HAGH: variants seen among roughly 807,000 people sequenced by gnomAD.
HAGH encodes hydroxyacylglutathione hydrolase.
Under a neutral mutation model 35.1 loss-of-function variants are expected in HAGH, and 29 were observed. The observed-to-expected ratio is 0.83, with a 90% CI of 0.62 to 1.13. The LOEUF is 1.13. Ranked by LOEUF, HAGH falls within the 50% of genes most tolerant of loss-of-function variation. The pLI is 0.00. For synonymous variants in HAGH, 225 were observed against 176.1 expected, an observed-to-expected ratio of 1.28 and a Z score of -2.20; for missense variants, 478 against 419.6, an observed-to-expected ratio of 1.14 and a Z score of -1.22.
intron 7 of HAGH, among the ~76,000 whole-genome samples, chr16:1,816,214 T>TAAAATAAAAAAAAAAAAA (rs1897885122): frequency 7.5e-6 from 1 of 134,066 alleles, no homozygotes; most frequent in African/African-American, 2.9e-5. Flanking sequence ...AAAAAAAAAT[T>TAAAATAAAAAAAAAAAAA]AAAAAAAAAA....
intron 3 of HAGH, among the ~76,000 whole-genome samples, chr16:1,820,764 C>T (rs2268673): frequency 0.24 from 35,793 of 152,062 alleles, 4,303 homozygotes; most frequent in South Asian, 0.36. Context: ...CACCACTGGG[C>T]CCCAAGATAA....
At position 1,817,265 on chromosome 16, in the gene HAGH, G is replaced by T. The variant is rs1256015212; in HGVS notation, c.548C>A (p.Thr183Asn). ...CTTCCCGCAGCCAGCCACAAACAAG[G>T]TGTCACCTGGAAACAAGGACAGCCA... ...SEPPAVFTGDTLFVAGCGKFY... is the reference protein window; with the variant it reads ...SEPPAVFTGDNLFVAGCGKFY... The change falls in exon 6 of 9, where the codon ACC becomes AAC. Residue 183 changes from threonine (T) to asparagine (N), a missense_variant. By Grantham distance (65) the Thr-to-Asn change is moderately conservative (BLOSUM62 0). Transcript: ENST00000397356. The T allele has an allele frequency of 6.2e-7, 1 of 1,608,066 alleles. No individual in the cohort carries two copies. Among genetic ancestry groups the T allele is most frequent in the Non-Finnish European group, 8.5e-7 (1 of 1,174,534 alleles).
At chr16:1,819,706 C>G (rs1898057548) in intron 4 of HAGH, 191 bp downstream of exon 4, 1 of 620,968 alleles carries the variant, frequency 1.6e-6, no homozygotes, top group African/African-American at 1.8e-5. Flanking sequence ...CACAGCCCCG[C>G]ACACAGCCGC....
At chr16:1,820,046 G>A (rs368893855) in intron 3 of HAGH, 32 bp from the exon 4 acceptor site, 1 of 411,172 alleles carries the variant, frequency 2.4e-6, no homozygotes, top group African/African-American at 5.7e-5. Flanking sequence ...TGGGCTGCCT[G>A]CTGAGCTGAG....
chr16:1,826,024 C>T (rs900843109), intron 1 of HAGH, among the ~76,000 whole-genome samples: 1 of 152,228 alleles, frequency 6.6e-6, no homozygotes, highest in African/African-American at 2.4e-5. Context: ...TATGAATGTC[C>T]CTAAAACTGT....
At chr16:1,823,475 G>A (rs1465105185) in intron 1 of HAGH, among the ~76,000 whole-genome samples, 2 of 151,888 alleles carry the variant, frequency 1.3e-5, no homozygotes, top group African/African-American at 2.4e-5. Flanking sequence ...CATGGTGTTA[G>A]CCAGGATGGT....
At chr16:1,825,760 C>T (rs1596946642) in intron 1 of HAGH, among the ~76,000 whole-genome samples, 1 of 152,018 alleles carries the variant, frequency 6.6e-6, no homozygotes, top group Non-Finnish European at 1.5e-5. Context: ...GTTTTTGTAG[C>T]GATGAGGTCT....
chr16:1,814,089 C>T (rs1047936909), intron 7 of HAGH, among the ~76,000 whole-genome samples: 1 of 152,178 alleles, frequency 6.6e-6, no homozygotes, highest in Middle Eastern at 3.2e-3. Flanking sequence ...AAAGCTAAGA[C>T]TTTAAAACTT....
chr16:1,826,508 T>C (rs926469382), intron 1 of HAGH: 44 of 963,348 alleles, frequency 4.6e-5, no homozygotes, highest in South Asian at 1.4e-4. Context: ...CCTGCTTACC[T>C]AGCGCTTTCC....
intron 7 of HAGH, among the ~76,000 whole-genome samples, chr16:1,814,615 C>G (rs1306039199): frequency 1.3e-5 from 2 of 151,974 alleles, no homozygotes; most frequent in Non-Finnish European, 2.9e-5. Context: ...AAATATATAT[C>G]TCAGCTGGGC....
In HAGH at chr16:1,809,030, A is replaced by G. The variant is rs922141750; in HGVS notation, c.*253T>C. The stretch of plus-strand genomic sequence containing the variant: ...GTGGGTGGGGGGACTGCAGTGGCTC[A>G]CGGAGGAGGAAGGAGGCCCGAGGGG... On this transcript the variant is annotated 3_prime_UTR_variant, in exon 9 of 9. Transcript: ENST00000397356. The G allele has an allele frequency of 4.1e-6, 2 of 485,096 alleles. No individual in the cohort carries two copies. Among genetic ancestry groups the G allele is most frequent in the Non-Finnish European group, 7.4e-6 (2 of 270,936 alleles). 30.0% of individuals were successfully genotyped at this position (485,096 alleles called of 1,614,324 possible).
Position 1,809,078 on chromosome 16 carries a change from G to C in HAGH, c.*205C>G. The C allele has an allele frequency of 1.8e-6, 1 of 540,706 alleles. No homozygotes were observed. Among genetic ancestry groups the C allele is most frequent in the Non-Finnish European group, 3.3e-6 (1 of 302,910 alleles). The allele number at this position is 540,706 out of a possible 1,614,324, so 33.5% of individuals were successfully genotyped here. A position where few individuals can be genotyped will look rare whatever the true frequency, so the allele number is the denominator to read the frequency against. ...GGGACAAGCAGAGGCCTAAAGGCCAGAAGAAAACAGTCTGCAAGGGGAAGT... is the reference window on the plus strand; with the variant it reads ...GGGACAAGCAGAGGCCTAAAGGCCACAAGAAAACAGTCTGCAAGGGGAAGT... On this transcript the variant is annotated 3_prime_UTR_variant, in exon 9 of 9. Coordinates refer to ENST00000397356, the MANE Select transcript of HAGH (RefSeq NM_005326.6).
At chr16:1,812,090 T>G (rs1210028547) in intron 7 of HAGH, among the ~76,000 whole-genome samples, 1 of 150,084 alleles carries the variant, frequency 6.7e-6, no homozygotes, top group Non-Finnish European at 1.5e-5. Context: ...TACGGGAGAC[T>G]GAGGCAGCAG....
chr16:1,825,967 G>A (rs1596947227), intron 1 of HAGH, among the ~76,000 whole-genome samples: 1 of 152,192 alleles, frequency 6.6e-6, no homozygotes, highest in African/African-American at 2.4e-5. Flanking sequence ...GGGTACGCAC[G>A]CCCTGCCGAT....
At chr16:1,811,511 G>C (rs1897645897) in intron 7 of HAGH, among the ~76,000 whole-genome samples, 1 of 151,738 alleles carries the variant, frequency 6.6e-6, no homozygotes, top group African/African-American at 2.4e-5. Context: ...TCAGGAGTTT[G>C]AGACCGGCCT....
chr16:1,808,236 T>G lies in HAGH; in HGVS notation c.*1047A>C, dbSNP rs1897483773. On this transcript the variant is annotated 3_prime_UTR_variant, in exon 9 of 9. Transcript: ENST00000397356. ...GATCCTCCTGCCTCAGCCTCCTGAG[T>G]AGCTAGGACTACAGCTGCACACCAC... 2.0e-5 allele frequency: 3 copies of G among 152,092 alleles called. No homozygotes were observed. The allele number at this position is 152,092 out of a possible 1,614,324, so 9.4% of individuals were successfully genotyped here.
chr16:1,815,095 G>GAC lies in HAGH; in HGVS notation c.747+1796_747+1797dup, dbSNP rs1897834309. Among the ~76,000 whole-genome samples, 3 of 143,400 alleles carry GAC rather than the reference G, an allele frequency of 2.1e-5. No individual in the cohort carries two copies. In the South Asian group the frequency reaches 6.7e-4, roughly 32 times the overall value. 94.1% of individuals were successfully genotyped at this position (143,400 alleles called of 152,430 possible). ...CTTCATGAGAAGGCATCCAAAGGCC[G>GAC]ACACACATGAAAAGATGGTCACATG... On this transcript the variant is annotated intron_variant, in intron 7 of 8. Coordinates refer to ENST00000397356, the MANE Select transcript of HAGH (RefSeq NM_005326.6).
chr16:1,819,111 G>T lies in HAGH; in HGVS notation c.541+4C>A. The T allele has an allele frequency of 6.3e-7, 1 of 1,577,092 alleles. No individual in the cohort carries two copies. Among genetic ancestry groups the T allele is most frequent in the Non-Finnish European group, 8.7e-7 (1 of 1,147,048 alleles). On this transcript the variant is annotated splice_donor_region_variant and intron_variant, in intron 5 of 8. Transcript: ENST00000397356. ...CCCGCCCCCACCCACACTCGAACAC[G>T]CACCTGTGAACACGGCAGGGGGCTC... is the stretch of plus-strand genomic sequence containing the variant.
At chr16:1,812,617 T>G (rs1897709997) in intron 7 of HAGH, among the ~76,000 whole-genome samples, 1 of 151,956 alleles carries the variant, frequency 6.6e-6, no homozygotes, top group Admixed American at 6.6e-5. Context: ...CATACTAAGT[T>G]TTAAAACTAT....
Sources: allele counts gnomAD v4.1 joint callset (sites outside exome capture counted in the v4.1 genomes callset), GRCh38; gene constraint gnomAD v4.1.1; transcripts MANE v1.5; gene names NCBI Gene and HGNC (gene_info 2026-07-23, HGNC 2026-07-21).